Variants in DGCR8 observed in about 807,000 individuals in gnomAD.
The protein encoded by DGCR8 is microprocessor complex subunit DGCR8.
In DGCR8, 14 loss-of-function variants were observed where a neutral mutation model predicts 78.5. That is an observed-to-expected ratio of 0.18 (90% CI 0.12 to 0.28). The LOEUF (loss-of-function observed/expected upper bound fraction) is 0.28. DGCR8 is among the 10% of genes least tolerant of loss of function. The pLI is 1.00. For missense variants in DGCR8, 702 were observed against 1,022.5 expected, an observed-to-expected ratio of 0.69 and a Z score of 4.28; for synonymous variants, 399 against 402.4, an observed-to-expected ratio of 0.99 and a Z score of 0.10.
chr22:20,106,380 G>C, intron 10 of DGCR8, 103 bp downstream of exon 10: 1 of 1,032,144 alleles, frequency 9.7e-7, no homozygotes, highest in Non-Finnish European at 1.5e-6. Flanking sequence ...GGCATGGCCA[G>C]GTTTCCCTGG....
rs778785404 is a variant in DGCR8, at chr22:20,086,398, G to A, written c.435G>A (p.Arg145=). 6.2e-7 allele frequency: 1 copy of A among 1,613,996 alleles called. No homozygotes were observed. The highest frequency in any genetic ancestry group is 8.5e-7 in the Non-Finnish European group (1 of 1,180,032). ...VLYTGAERDV[R]AECGLLLSPV... ...ACACAGGAGCAGAGCGCGACGTGCGGGCGGAGTGCGGTCTGCTCCTTAGCC... is the reference window on the plus strand; with the variant it reads ...ACACAGGAGCAGAGCGCGACGTGCGAGCGGAGTGCGGTCTGCTCCTTAGCC... Residue 145 remains arginine (R), a synonymous_variant, in exon 2 of 14, where the codon CGG becomes CGA. Coordinates refer to ENST00000351989, the MANE Select transcript of DGCR8 (RefSeq NM_022720.7). This position sits in a 1 kb window ranked among gnomAD's most constrained non-coding sequence, Gnocchi z 6.4.
At chr22:20,099,267 T>C (rs2049667373) in intron 9 of DGCR8, among the ~76,000 whole-genome samples, 1 of 152,188 alleles carries the variant, frequency 6.6e-6, no homozygotes, top group Admixed American at 6.5e-5. Context: ...ATCTCCAGCT[T>C]TTCCTTCTTG....
chr22:20,094,714 C>A lies in DGCR8; in HGVS notation c.1707C>A (p.Ala569=), dbSNP rs367798499. ...CCCTCGGGCTCTTTTTTTTCATAGC[C>A]CGAGCTACACTGGAAATCCTCATCC... The part of the protein sequence containing the change: ...SSKKLAKNKA[A]RATLEILIPD... The change falls in exon 9 of 14, where the codon GCC becomes GCA. Residue 569 remains alanine (A), a splice_region_variant and synonymous_variant. Coordinates refer to ENST00000351989, the MANE Select transcript of DGCR8 (RefSeq NM_022720.7). 1,479 of 1,613,810 alleles carry A rather than the reference C, an allele frequency of 9.2e-4. 20 individuals are homozygous for A. In the South Asian group the frequency reaches 0.015, roughly 17 times the overall value.
At chr22:20,094,889 T>G in intron 9 of DGCR8, 94 bp downstream of exon 9, 2 of 1,086,770 alleles carry the variant, frequency 1.8e-6, no homozygotes, top group Non-Finnish European at 2.8e-6. Context: ...TGGGCTGTGC[T>G]CATGCCTTCC....
At chr22:20,083,412 A>G (rs1225952623) in intron 1 of DGCR8, among the ~76,000 whole-genome samples, 4 of 150,850 alleles carry the variant, frequency 2.7e-5, no homozygotes, top group Non-Finnish European at 4.4e-5. Flanking sequence ...GAGGGGAGGA[A>G]GGAACTTGCC....
chr22:20,110,343 C>A lies in DGCR8; in HGVS notation c.*235C>A. ...AGCTCCAGGCCTGAATGGATGGACT[C>A]AGCGACTGCACCAGTGGCAGCTGGT... On this transcript the variant is annotated 3_prime_UTR_variant, in exon 14 of 14. Coordinates refer to ENST00000351989, the MANE Select transcript of DGCR8 (RefSeq NM_022720.7). 1 of 522,996 alleles carries A rather than the reference C, an allele frequency of 1.9e-6. No individual in the cohort carries two copies. Among genetic ancestry groups the A allele is most frequent in the Non-Finnish European group, 3.4e-6 (1 of 294,060 alleles). 32.4% of individuals were successfully genotyped at this position (522,996 alleles called of 1,614,324 possible). A position where few individuals can be genotyped will look rare whatever the true frequency, so the allele number is the denominator to read the frequency against.
At position 20,087,112 on chromosome 22, in the gene DGCR8, C is replaced by A; in HGVS notation, c.721-50C>A. 6.4e-7 allele frequency: 1 copy of A among 1,562,918 alleles called. No individual in the cohort carries two copies. The highest frequency in any genetic ancestry group is 8.7e-7 in the Non-Finnish European group (1 of 1,151,902). ...GGAATGCTGTTGAGCTCTCCTGTTG[C>A]AGGAGCATGAGCGCCAGGGGCTCTG... On this transcript the variant is annotated intron_variant, in intron 2 of 13. Transcript: ENST00000351989. The surrounding 1 kb of genome is among the most constrained non-coding windows in gnomAD (Gnocchi z 4.1).
In DGCR8 at chr22:20,110,417, T is replaced by G. The variant is rs980879783; in HGVS notation, c.*309T>G. ...GCTTCTGTGCACCTGCTGCAGGCTC[T>G]TTTTATGAAGGCTTTCATGAATTTT... On this transcript the variant is annotated 3_prime_UTR_variant, in exon 14 of 14. Transcript: ENST00000351989. 5.7e-6 allele frequency: 2 copies of G among 349,636 alleles called. No individual in the cohort carries two copies. Among genetic ancestry groups the G allele is most frequent in the Non-Finnish European group, 1.0e-5 (2 of 191,974 alleles). The allele number at this position is 349,636 out of a possible 1,614,324, so 21.7% of individuals were successfully genotyped here.
At chr22:20,100,449 C>T (rs1314265511) in intron 9 of DGCR8, 22 of 985,292 alleles carry the variant, frequency 2.2e-5, no homozygotes, top group East Asian at 2.3e-4. Context: ...GAAGTGCTTG[C>T]GTAGACCCTG....
intron 1 of DGCR8, among the ~76,000 whole-genome samples, chr22:20,084,449 T>C (rs906501114): frequency 2.6e-5 from 4 of 152,196 alleles, no homozygotes; most frequent in African/African-American, 9.6e-5. Context: ...TCTTCCCTGC[T>C]TCATGTTGTC....
At chr22:20,082,216 C>T (rs1167891659) in intron 1 of DGCR8, among the ~76,000 whole-genome samples, 3 of 151,002 alleles carry the variant, frequency 2.0e-5, no homozygotes, top group Admixed American at 6.6e-5. Flanking sequence ...ACCACCACCA[C>T]GCCCGGCTGA....
At chr22:20,091,848 A>G (rs1374295305) in intron 6 of DGCR8, 21 bp from the exon 7 acceptor site, 10 of 1,610,532 alleles carry the variant, frequency 6.2e-6, no homozygotes, top group Non-Finnish European at 7.6e-6. Flanking sequence ...ACACTTGCTG[A>G]GATGGTTCTT....
chr22:20,083,899 T>C (rs2049446793), intron 1 of DGCR8, among the ~76,000 whole-genome samples: 1 of 152,194 alleles, frequency 6.6e-6, no homozygotes. Flanking sequence ...CTTCAGCACT[T>C]TATAGTCAGT....
chr22:20,101,316 C>T (rs2049698260), intron 9 of DGCR8: 1 of 982,320 alleles, frequency 1.0e-6, no homozygotes, highest in Non-Finnish European at 1.2e-6. Context: ...GTGGCTCACG[C>T]CTGTAATCCC....
intron 7 of DGCR8, among the ~76,000 whole-genome samples, chr22:20,092,319 G>A (rs1012309034): frequency 1.3e-5 from 2 of 152,296 alleles, no homozygotes; most frequent in Non-Finnish European, 1.5e-5. Flanking sequence ...GTGCCCCTGG[G>A]TGTCTGAAGG....
rs760707074 is a variant in DGCR8, at chr22:20,110,146, C to G, written c.*38C>G. 1 of 1,590,824 alleles carries G rather than the reference C, an allele frequency of 6.3e-7. No individual in the cohort carries two copies. ...GGGCCAGGGCGCGGGGGCCGCCAGC[C>G]GCACTTCTGAGGAGACCAGCAGTCA... On this transcript the variant is annotated 3_prime_UTR_variant, in exon 14 of 14. Transcript: ENST00000351989.
chr22:20,106,115 C>G (rs1172238015), intron 9 of DGCR8, 62 bp from the exon 10 acceptor site: 9 of 1,433,500 alleles, frequency 6.3e-6, no homozygotes, highest in Non-Finnish European at 4.9e-6. Flanking sequence ...CAACCGCAGG[C>G]CCAGCCATGA....
At chr22:20,109,478 A>T (rs1341904005) in intron 13 of DGCR8, among the ~76,000 whole-genome samples, 2 of 151,568 alleles carry the variant, frequency 1.3e-5, no homozygotes, top group Non-Finnish European at 2.9e-5. Flanking sequence ...TCTGGGTGGG[A>T]GCTTTCTTAA....
Position 20,111,151 on chromosome 22 carries a change from C to G in DGCR8, c.*1043C>G. On this transcript the variant is annotated 3_prime_UTR_variant, in exon 14 of 14. Coordinates refer to ENST00000351989, the MANE Select transcript of DGCR8 (RefSeq NM_022720.7). Reference sequence around the variant, plus strand: ...AGGCAGCTGCCTGGTGCCCAGCTTGCTTCTCGACTGGTGGCCCCTATGGGT... The same window carrying G: ...AGGCAGCTGCCTGGTGCCCAGCTTGGTTCTCGACTGGTGGCCCCTATGGGT... 2.5e-6 allele frequency: 1 copy of G among 398,820 alleles called. No homozygotes were observed. Among genetic ancestry groups the G allele is most frequent in the Non-Finnish European group, 4.4e-6 (1 of 226,082 alleles). 24.7% of individuals were successfully genotyped at this position (398,820 alleles called of 1,614,324 possible). A position where few individuals can be genotyped will look rare whatever the true frequency, so the allele number is the denominator to read the frequency against.
Sources: gnomAD v4.1 joint callset for allele counts (sites outside exome capture counted in the v4.1 genomes callset) on GRCh38, gnomAD v4.1.1 for gene constraint, Gnocchi (gnomAD v3.1) non-coding constraint, MANE v1.5 for transcripts, NCBI Gene and HGNC (gene_info 2026-07-23, HGNC 2026-07-21) for gene names.